MEGF11: variants seen among roughly 807,000 people sequenced by gnomAD.
MEGF11 encodes multiple epidermal growth factor-like domains protein 11.
In MEGF11, 126 loss-of-function variants were observed where a neutral mutation model predicts 146.6. That is an observed-to-expected ratio of 0.86 (90% CI 0.74 to 1.00). The LOEUF (loss-of-function observed/expected upper bound fraction) is 1.00, where lower values mean the gene tolerates loss of function less well. Ranked by LOEUF, MEGF11 falls within the 50% of genes least tolerant of loss-of-function variation. MEGF11 has a pLI of 0.00. For missense variants in MEGF11, 1,509 were observed against 1,521.2 expected, an observed-to-expected ratio of 0.99 and a Z score of 0.13; for synonymous variants, 532 against 583.4, an observed-to-expected ratio of 0.91 and a Z score of 1.27.
intron 5 of MEGF11, among the ~76,000 whole-genome samples, chr15:66,037,839 C>G (rs917917449): frequency 3.9e-5 from 6 of 152,182 alleles, no homozygotes; most frequent in Non-Finnish European, 8.8e-5. Flanking sequence ...GTGTCTAGCC[C>G]GGGGTTCCCC....
intron 3 of MEGF11, among the ~76,000 whole-genome samples, chr15:66,122,108 CA>C (rs1191186130): frequency 6.6e-6 from 1 of 151,972 alleles, no homozygotes; most frequent in Non-Finnish European, 1.5e-5. Context: ...ACTAAAAATA[CA>C]AAAATTAGAA....
intron 5 of MEGF11, among the ~76,000 whole-genome samples, chr15:66,093,236 T>G (rs1265357574): frequency 6.6e-6 from 1 of 152,216 alleles, no homozygotes; most frequent in Non-Finnish European, 1.5e-5. Flanking sequence ...CATACTGGCT[T>G]TGGCCAGAAT....
intron 5 of MEGF11, among the ~76,000 whole-genome samples, chr15:66,008,279 C>T (rs1434475505): frequency 6.6e-6 from 1 of 151,890 alleles, no homozygotes; most frequent in African/African-American, 2.4e-5. Flanking sequence ...TCCCTGAGTC[C>T]TACCCTCTTG....
At chr15:66,158,761 A>T (rs2089850408) in intron 1 of MEGF11, among the ~76,000 whole-genome samples, 1 of 151,980 alleles carries the variant, frequency 6.6e-6, no homozygotes, top group South Asian at 2.1e-4. Context: ...GCTCTCAAAT[A>T]TCTCCTTCAC....
chr15:65,923,403 A>C (rs961299713), intron 13 of MEGF11, among the ~76,000 whole-genome samples: 6 of 152,198 alleles, frequency 3.9e-5, no homozygotes, highest in African/African-American at 1.4e-4. Flanking sequence ...AGTAAGTGCC[A>C]GCTGGGAGTG....
At chr15:66,060,737 C>G (rs1387338918) in intron 5 of MEGF11, among the ~76,000 whole-genome samples, 1 of 152,216 alleles carries the variant, frequency 6.6e-6, no homozygotes, top group Non-Finnish European at 1.5e-5. Flanking sequence ...ATCTGTTCAT[C>G]CCGTGTCCTC....
Position 65,982,169 on chromosome 15 carries a change from C to T in MEGF11, c.641+73G>A, listed in dbSNP as rs2081663476. The T allele has an allele frequency of 6.9e-7, 1 of 1,444,016 alleles. No homozygotes were observed. Among genetic ancestry groups the T allele is most frequent in the South Asian group, 1.3e-5 (1 of 76,768 alleles). The allele number at this position is 1,444,016 out of a possible 1,614,324, so 89.5% of individuals were successfully genotyped here. On this transcript the variant is annotated intron_variant, in intron 6 of 25. Transcript: ENST00000395614. The surrounding 1 kb of genome is among the most constrained non-coding windows in gnomAD (Gnocchi z 5.6). ...GCCCCAGCCCCTCCACCTCCTCTAC[C>T]CTCCCCACCCAGGCACCCTCCAGGT...
intron 1 of MEGF11, among the ~76,000 whole-genome samples, chr15:66,211,884 A>T (rs2091464197): frequency 8.8e-6 from 1 of 114,266 alleles, no homozygotes; most frequent in Non-Finnish European, 1.9e-5. Context: ...ACAGAAGAAT[A>T]TACTGACTCA....
chr15:66,189,119 A>C (rs948746555), intron 1 of MEGF11, among the ~76,000 whole-genome samples: 14 of 152,266 alleles, frequency 9.2e-5, no homozygotes, highest in African/African-American at 3.4e-4. Context: ...AATGCAAATT[A>C]GAATTATTTA....
At chr15:65,931,081 G>T in intron 10 of MEGF11, 138 bp from the exon 11 acceptor site, 1 of 1,086,918 alleles carries the variant, frequency 9.2e-7, no homozygotes, top group Non-Finnish European at 1.2e-6. Flanking sequence ...TACCTTACAT[G>T]GCAAAAAGGG....
chr15:65,955,833 A>G (rs1305093129), intron 10 of MEGF11, among the ~76,000 whole-genome samples: 2 of 106,616 alleles, frequency 1.9e-5, no homozygotes, highest in African/African-American at 7.1e-5. Context: ...AATATATAAC[A>G]TGTAATCAAT....
chr15:66,016,127 A>G (rs2082876190), intron 5 of MEGF11, among the ~76,000 whole-genome samples: 1 of 152,046 alleles, frequency 6.6e-6, no homozygotes, highest in African/African-American at 2.4e-5. Flanking sequence ...AATTTAAAAA[A>G]AACCCACTCG....
chr15:65,965,600 C>CTTTTTT (rs767520450), intron 8 of MEGF11, among the ~76,000 whole-genome samples: 1 of 18,880 alleles, frequency 5.3e-5, no homozygotes, highest in Non-Finnish European at 9.0e-5. Context: ...TTCTTTCTTT[C>CTTTTTT]TTTTTTTTTT....
intron 1 of MEGF11, among the ~76,000 whole-genome samples, chr15:66,210,071 C>G (rs2091405965): frequency 6.6e-6 from 1 of 152,148 alleles, no homozygotes; most frequent in African/African-American, 2.4e-5. Flanking sequence ...AGCGATCCTT[C>G]TGCCTCAGCC....
At chr15:66,157,500 C>T (rs1041731244) in intron 1 of MEGF11, among the ~76,000 whole-genome samples, 3 of 152,188 alleles carry the variant, frequency 2.0e-5, no homozygotes, top group African/African-American at 7.2e-5. Flanking sequence ...GAGAGAAGGG[C>T]ACCTACTATG....
chr15:66,082,425 TAAAAAAAAAAAAAAAAAAAAAA>T (rs796328490), intron 5 of MEGF11, among the ~76,000 whole-genome samples: 108 of 15,650 alleles, frequency 6.9e-3, no homozygotes, highest in African/African-American at 0.02. Context: ...CCATCTCTAC[TAAAAAAAAAAAAAAAAAAAAAA>T]AAAAAAAAAA....
At chr15:66,106,214 G>A (rs1253787903) in intron 4 of MEGF11, among the ~76,000 whole-genome samples, 2 of 152,230 alleles carry the variant, frequency 1.3e-5, no homozygotes, top group Non-Finnish European at 1.5e-5. Context: ...ACTCTCAGGA[G>A]AGTCTAGGGA....
chr15:66,126,553 A>G (rs1444723263), intron 2 of MEGF11, among the ~76,000 whole-genome samples: 1 of 152,192 alleles, frequency 6.6e-6, no homozygotes, highest in Non-Finnish European at 1.5e-5. Flanking sequence ...ACAGAGAGAG[A>G]AGTCAGAGGG....
At chr15:66,189,903 G>A (rs1486117458) in intron 1 of MEGF11, among the ~76,000 whole-genome samples, 5 of 152,154 alleles carry the variant, frequency 3.3e-5, no homozygotes, top group Admixed American at 1.3e-4. Flanking sequence ...GATCACTTGA[G>A]CCCAGGAGTC....
Sources: allele counts gnomAD v4.1 joint callset (sites outside exome capture counted in the v4.1 genomes callset), GRCh38; gene constraint gnomAD v4.1.1; non-coding constraint Gnocchi (gnomAD v3.1); transcripts MANE v1.5; gene names NCBI Gene and HGNC (gene_info 2026-07-23, HGNC 2026-07-21).